Variants in CYP26B1 observed in about 807,000 individuals in gnomAD.
The protein encoded by CYP26B1 is cytochrome P450 family 26 subfamily B member 1.
In CYP26B1, 8 loss-of-function variants were observed where a neutral mutation model predicts 39.1. The ratio of observed to expected loss-of-function variants is 0.20; its 90% confidence interval spans 0.12 to 0.37. The LOEUF (loss-of-function observed/expected upper bound fraction) is 0.37, where lower values mean the gene tolerates loss of function less well. CYP26B1 is among the 10% of genes least tolerant of loss of function. CYP26B1 has a pLI of 1.00. For missense variants in CYP26B1, 615 were observed against 707.0 expected, an observed-to-expected ratio of 0.87 and a Z score of 1.48; for synonymous variants, 321 against 314.3, an observed-to-expected ratio of 1.02 and a Z score of -0.23.
chr2:72,137,251 G>C (rs1474338529), intron 2 of CYP26B1, among the ~76,000 whole-genome samples: 1 of 152,150 alleles, frequency 6.6e-6, no homozygotes, highest in African/African-American at 2.4e-5. Flanking sequence ...TGATGCAGTG[G>C]GGTGACAGGA....
At chr2:72,137,185 G>A (rs1232256984) in intron 2 of CYP26B1, among the ~76,000 whole-genome samples, 2 of 152,252 alleles carry the variant, frequency 1.3e-5, no homozygotes, top group East Asian at 1.9e-4. Flanking sequence ...CTCTCACCCG[G>A]TGCCCTGGAG....
Position 72,134,839 on chromosome 2 carries a change from C to T in CYP26B1, c.783G>A (p.Lys261=), listed in dbSNP as rs1318600581. ...IREKLQCTQG[K]DYLDALDLLI... Reference sequence around the variant, plus strand: ...GGAGGTCCAGGGCGTCCAAGTAGTCCTTGCCCTGTGTGCACTGCAGCTTCT... The same window carrying T: ...GGAGGTCCAGGGCGTCCAAGTAGTCTTTGCCCTGTGTGCACTGCAGCTTCT... Residue 261 remains lysine, a synonymous_variant, in exon 4 of 6, where the codon AAG becomes AAA. Coordinates refer to ENST00000001146, the MANE Select transcript of CYP26B1 (RefSeq NM_019885.4). The T allele has an allele frequency of 1.2e-6, 2 of 1,614,064 alleles. No homozygotes were observed. Among genetic ancestry groups the T allele is most frequent in the Non-Finnish European group, 1.7e-6 (2 of 1,180,014 alleles).
In CYP26B1 at chr2:72,131,789, G is replaced by A. The variant is rs573799770; in HGVS notation, c.*438C>T. 4.6e-5 allele frequency: 8 copies of A among 173,330 alleles called. No individual in the cohort carries two copies. Among genetic ancestry groups the A allele is most frequent in the East Asian group, 3.5e-4 (2 of 5,796 alleles). 10.7% of individuals were successfully genotyped at this position (173,330 alleles called of 1,614,324 possible). On this transcript the variant is annotated 3_prime_UTR_variant, in exon 6 of 6. Transcript: ENST00000001146. The stretch of plus-strand genomic sequence containing the variant: ...CCCAGGATGCTGTTCCTGGGCAGAC[G>A]CAGTGGGGGCGCAGGAGGAGGAGAC...
rs61751056 is a variant in CYP26B1 at position 72,132,349 on chromosome 2, G to A, written c.1417C>T (p.Arg473Cys). ...RFELATRTFPRITLVPVLHPV... is the reference protein window; with the variant it reads ...RFELATRTFPCITLVPVLHPV... ...TGCAGGACGGGGACCAAGGTGATGC[G>A]GGGGAAGGTCCGTGTGGCCAGCTCA... is the stretch of plus-strand genomic sequence containing the variant. The change falls in exon 6 of 6, where the codon CGC (arginine) becomes TGC (cysteine). Residue 473 changes from arginine (R) to cysteine (C), a missense_variant. By Grantham distance (180) the Arg-to-Cys change is radical (BLOSUM62 -3). Coordinates refer to ENST00000001146, the MANE Select transcript of CYP26B1 (RefSeq NM_019885.4). 1.1e-3 allele frequency: 1,795 copies of A among 1,610,680 alleles called. 19 individuals are homozygous for A. In the African/African-American group the frequency reaches 0.022, roughly 19 times the overall value.
intron 5 of CYP26B1, 37 bp from the exon 6 acceptor site, chr2:72,132,656 A>G (rs1344070807): frequency 6.4e-7 from 1 of 1,564,618 alleles, no homozygotes; most frequent in South Asian, 1.2e-5. Flanking sequence ...GGGTGGTGAG[A>G]GCCAGAGGAG....
Position 72,130,591 on chromosome 2 carries a change from T to C in CYP26B1, c.*1636A>G, listed in dbSNP as rs1676537449. 1 of 152,122 alleles carries C rather than the reference T, an allele frequency of 6.6e-6. No homozygotes were observed. Among genetic ancestry groups the C allele is most frequent in the African/African-American group, 2.4e-5 (1 of 41,416 alleles). 9.4% of individuals were successfully genotyped at this position (152,122 alleles called of 1,614,324 possible). On this transcript the variant is annotated 3_prime_UTR_variant, in exon 6 of 6. Coordinates refer to ENST00000001146, the MANE Select transcript of CYP26B1 (RefSeq NM_019885.4). ...TCATTCTTCTGTGTTTTCGATTTTC[T>C]TGTAAAGGGGATTCATTGCTTTTAC...
chr2:72,141,018 C>T (rs1572928395), intron 2 of CYP26B1, among the ~76,000 whole-genome samples: 2 of 152,288 alleles, frequency 1.3e-5, no homozygotes, highest in Admixed American at 1.3e-4. Flanking sequence ...TAGGAGAGGC[C>T]CAATCCTGGT....
intron 4 of CYP26B1, among the ~76,000 whole-genome samples, chr2:72,134,243 T>C (rs1676686781): frequency 1.5e-5 from 2 of 132,858 alleles, no homozygotes; most frequent in African/African-American, 5.7e-5. Flanking sequence ...CCTCCTCGGG[T>C]GAAACATCCG....
At chr2:72,136,652 C>T (rs1283671021) in intron 2 of CYP26B1, among the ~76,000 whole-genome samples, 3 of 152,192 alleles carry the variant, frequency 2.0e-5, no homozygotes, top group Admixed American at 6.5e-5. Context: ...GATAGGAGGT[C>T]GCCTGGGTCA....
chr2:72,133,415 G>A, intron 4 of CYP26B1, 108 bp from the exon 5 acceptor site: 1 of 1,394,744 alleles, frequency 7.2e-7, no homozygotes, highest in Non-Finnish European at 9.8e-7. Flanking sequence ...GCTGGGCCCT[G>A]CCTGGTTCCT....
chr2:72,136,294 C>T (rs1299727654), intron 2 of CYP26B1, among the ~76,000 whole-genome samples: 1 of 152,296 alleles, frequency 6.6e-6, no homozygotes, highest in African/African-American at 2.4e-5. Flanking sequence ...AGAGGGAGCC[C>T]CCCACTCCAC....
At position 72,129,559 on chromosome 2, in the gene CYP26B1, TAAC is replaced by T. The variant is rs555942991; in HGVS notation, c.*2665_*2667del. On this transcript the variant is annotated 3_prime_UTR_variant, in exon 6 of 6. Coordinates refer to ENST00000001146, the MANE Select transcript of CYP26B1 (RefSeq NM_019885.4). The stretch of plus-strand genomic sequence containing the variant: ...TATACTAAATATCTATTTTGAATTA[TAAC>T]AAAAATAGTACTTATAATAGTTTAT... 2.3e-3 allele frequency: 348 copies of T among 152,408 alleles called. No homozygotes were observed. The highest frequency in any genetic ancestry group is 7.9e-3 in the African/African-American group (327 of 41,460). 9.4% of individuals were successfully genotyped at this position (152,408 alleles called of 1,614,324 possible).
chr2:72,133,242 G>A lies in CYP26B1; in HGVS notation c.927C>T (p.Ile309=), dbSNP rs772943646. ...CAGTGGGGTGCTTCAGCAGCTGCAT[G>A]ATGAGTGAGGTGCTGGCGCTGGCCG... is the stretch of plus-strand genomic sequence containing the variant. ...ATTASASTSL[I]MQLLKHPTVL... Residue 309 remains isoleucine (I), a synonymous_variant, in exon 5 of 6, where the codon ATC becomes ATT. Transcript: ENST00000001146. The A allele has an allele frequency of 1.9e-6, 3 of 1,611,888 alleles. No homozygotes were observed. In the East Asian group the frequency reaches 6.7e-5, roughly 36 times the overall value.
At chr2:72,146,863 C>T (rs1225145878) in intron 1 of CYP26B1, among the ~76,000 whole-genome samples, 2 of 152,204 alleles carry the variant, frequency 1.3e-5, no homozygotes, top group Non-Finnish European at 2.9e-5. Context: ...TGACGCGCCT[C>T]ACCCCCGTTA....
At chr2:72,132,998 C>T (rs1345379325) in intron 5 of CYP26B1, 25 bp downstream of exon 5, 4 of 1,612,928 alleles carry the variant, frequency 2.5e-6, no homozygotes, top group South Asian at 1.1e-5. Flanking sequence ...CCCCATCGCC[C>T]CCGGTGCCAC....
At chr2:72,134,003 G>T (rs894779236) in intron 4 of CYP26B1, among the ~76,000 whole-genome samples, 2 of 152,234 alleles carry the variant, frequency 1.3e-5, no homozygotes, top group African/African-American at 4.8e-5. Context: ...TGGGCCCAGA[G>T]AGGGCAATGA....
In CYP26B1 at chr2:72,143,917, C is replaced by A. The variant is rs569944936; in HGVS notation, c.429+72G>T. 3 of 1,560,922 alleles carry A rather than the reference C, an allele frequency of 1.9e-6. No homozygotes were observed. The South Asian group carries it at 3.4e-5, about 18-fold the overall frequency. ...GGCACAGATTCGGTAGGGGACATTC[C>A]CCGGGCTCCAGGAACTCCTTGCCCC... is the stretch of plus-strand genomic sequence containing the variant. On this transcript the variant is annotated intron_variant, in intron 2 of 5. Transcript: ENST00000001146.
chr2:72,132,116 G>C lies in CYP26B1; in HGVS notation c.*111C>G. ...AGGGAGGGGGAGCAAGGGAGGGCAA[G>C]TATGGGGGCCACTCGCCCTCCCCGT... On this transcript the variant is annotated 3_prime_UTR_variant, in exon 6 of 6. Transcript: ENST00000001146. The C allele has an allele frequency of 2.3e-6, 3 of 1,279,350 alleles. No individual in the cohort carries two copies. 79.2% of individuals were successfully genotyped at this position (1,279,350 alleles called of 1,614,324 possible).
At chr2:72,134,261 C>T (rs1283930855) in intron 4 of CYP26B1, among the ~76,000 whole-genome samples, 1 of 132,034 alleles carries the variant, frequency 7.6e-6, no homozygotes, top group African/African-American at 2.8e-5. Flanking sequence ...CCGCCTAAAG[C>T]AGGGCAAGCA....
Sources: allele counts gnomAD v4.1 joint callset (sites outside exome capture counted in the v4.1 genomes callset), GRCh38; gene constraint gnomAD v4.1.1; transcripts MANE v1.5; gene names NCBI Gene and HGNC (gene_info 2026-07-23, HGNC 2026-07-21).